MYLK: variants seen among roughly 807,000 people sequenced by gnomAD.
MYLK encodes the protein myosin light chain kinase, smooth muscle.
A neutral mutation model predicts 203.4 loss-of-function variants in MYLK; 106 were observed. That is an observed-to-expected ratio of 0.52 (90% CI 0.45 to 0.61). MYLK has a LOEUF of 0.61. Ranked by LOEUF, MYLK falls within the 20% of genes least tolerant of loss-of-function variation. MYLK has a pLI of 0.00. For missense variants in MYLK, 2,072 were observed against 2,442.3 expected (o/e 0.85, Z 3.20); for synonymous variants, 867 against 959.5 (o/e 0.90, Z 1.78).
intron 4 of MYLK, among the ~76,000 whole-genome samples, chr3:123,758,062 A>G (rs1560180149): frequency 6.6e-6 from 1 of 152,164 alleles, no homozygotes; most frequent in Non-Finnish European, 1.5e-5. Flanking sequence ...CAAAAAAAAA[A>G]AAGAAGGAAA....
chr3:123,759,795 G>C (rs1213986468), intron 4 of MYLK, among the ~76,000 whole-genome samples: 1 of 152,182 alleles, frequency 6.6e-6, no homozygotes, highest in Non-Finnish European at 1.5e-5. Flanking sequence ...TCTCTCCCAA[G>C]CCCCATTATC....
chr3:123,752,452 G>T lies in MYLK; in HGVS notation c.252C>A (p.Gly84=). ...TCACAAGGCTGAAAGTCCCCCGGAT[G>T]CCGCAATCCAGCAGGAAGCGGCCCC... ...TSGGRFLLDC[G]IRGTFSLVIH... Residue 84 remains glycine (G), a synonymous_variant, in exon 5 of 34, where the codon GGC becomes GGA. Coordinates refer to ENST00000360304, the MANE Select transcript of MYLK (RefSeq NM_053025.4). The T allele has an allele frequency of 6.2e-7, 1 of 1,614,212 alleles. No individual in the cohort carries two copies. Among genetic ancestry groups the T allele is most frequent in the Non-Finnish European group, 8.5e-7 (1 of 1,180,044 alleles).
At chr3:123,616,587 C>A (rs1262452418) in intron 33 of MYLK, 3 of 152,000 alleles carry the variant, frequency 2.0e-5, no homozygotes, top group Non-Finnish European at 4.4e-5. Context: ...TATTTGTGCC[C>A]CTTGAATCTC....
intron 4 of MYLK, among the ~76,000 whole-genome samples, chr3:123,767,515 G>T (rs989598482): frequency 6.6e-6 from 1 of 152,248 alleles, no homozygotes; most frequent in Non-Finnish European, 1.5e-5. Flanking sequence ...GCTGAGGCAC[G>T]AGAATCACTT....
intron 13 of MYLK, among the ~76,000 whole-genome samples, chr3:123,717,915 G>A (rs1430597012): frequency 1.4e-5 from 2 of 141,336 alleles, no homozygotes; most frequent in African/African-American, 5.3e-5. Context: ...GAGTCCAGTG[G>A]TGTGATTACG....
intron 4 of MYLK, among the ~76,000 whole-genome samples, chr3:123,754,807 CT>C (rs1346326846): frequency 6.6e-6 from 1 of 151,914 alleles, no homozygotes; most frequent in African/African-American, 2.4e-5. Flanking sequence ...TATTAGTGTG[CT>C]GTATAATGAA....
chr3:123,791,337 C>G (rs1048890868), intron 4 of MYLK, among the ~76,000 whole-genome samples: 7 of 152,350 alleles, frequency 4.6e-5, no homozygotes, highest in African/African-American at 1.7e-4. Context: ...TTGAGGTCAC[C>G]AGGTCAGAAA....
At position 123,692,825 on chromosome 3, in the gene MYLK, T is replaced by C; in HGVS notation, c.3475A>G (p.Lys1159Glu). The change falls in exon 19 of 34, where the codon AAG (lysine) becomes GAG (glutamate). Residue 1159 changes from lysine (K) to glutamate (E), a missense_variant. Transcript: ENST00000360304. ...EGSLCSVSIE[K>E]ALPEDRGLYK... The stretch of plus-strand genomic sequence containing the variant: ...AAGCCTCTGTCCTCAGGCAGTGCCT[T>C]CTCGATGGAGACGGAGCAGAGTGAG... 1 of 1,613,980 alleles carries C rather than the reference T, an allele frequency of 6.2e-7. No individual in the cohort carries two copies. The highest frequency in any genetic ancestry group is 8.5e-7 in the Non-Finnish European group (1 of 1,179,988).
chr3:123,822,309 G>C (rs1486192033), intron 3 of MYLK, among the ~76,000 whole-genome samples: 1 of 152,132 alleles, frequency 6.6e-6, no homozygotes, highest in African/African-American at 2.4e-5. Flanking sequence ...CTCAGGCCTG[G>C]GTACTCCTCA....
At position 123,610,477 on chromosome 3, in the gene MYLK, A is replaced by T. The variant is rs2057224062; in HGVS notation, c.*3628T>A. On this transcript the variant is annotated 3_prime_UTR_variant, in exon 34 of 34. Transcript: ENST00000360304. ...ACCATCTCATGTGTTGCCCGTCATTATGGAGAGGCTTGTACCAGCACATAA... is the reference window on the plus strand; with the variant it reads ...ACCATCTCATGTGTTGCCCGTCATTTTGGAGAGGCTTGTACCAGCACATAA... 6.6e-6 allele frequency: 1 copy of T among 152,208 alleles called. No homozygotes were observed. Among genetic ancestry groups the T allele is most frequent in the African/African-American group, 2.4e-5 (1 of 41,458 alleles). 9.4% of individuals were successfully genotyped at this position (152,208 alleles called of 1,614,324 possible).
At chr3:123,656,244 G>A (rs1187268546) in intron 24 of MYLK, among the ~76,000 whole-genome samples, 1 of 152,172 alleles carries the variant, frequency 6.6e-6, no homozygotes, top group Non-Finnish European at 1.5e-5. Context: ...TGCTTGCTAA[G>A]AAGCTCCCAG....
chr3:123,855,936 T>G (rs1415381933), intron 2 of MYLK, among the ~76,000 whole-genome samples: 1 of 152,162 alleles, frequency 6.6e-6, no homozygotes, highest in African/African-American at 2.4e-5. Flanking sequence ...TAAAGACTAA[T>G]ATAATCTTTT....
intron 24 of MYLK, 39 bp downstream of exon 24, chr3:123,657,087 C>T (rs2059410542): frequency 6.2e-7 from 1 of 1,610,590 alleles, no homozygotes; most frequent in African/African-American, 1.3e-5. Context: ...CAGTCACGCA[C>T]ATTTGTTTCA....
chr3:123,805,952 A>G, intron 3 of MYLK, among the ~76,000 whole-genome samples: 1 of 152,238 alleles, frequency 6.6e-6, no homozygotes, highest in Non-Finnish European at 1.5e-5. Flanking sequence ...AATGGTAACA[A>G]TTTGATAATA....
chr3:123,783,142 G>A (rs183448406), intron 4 of MYLK, among the ~76,000 whole-genome samples: 1 of 151,992 alleles, frequency 6.6e-6, no homozygotes, highest in Admixed American at 6.6e-5. Flanking sequence ...ATAGTGCTTT[G>A]GACATCTTTG....
chr3:123,755,703 C>G (rs9823444), intron 4 of MYLK, among the ~76,000 whole-genome samples: 135,613 of 152,122 alleles, frequency 0.89, 62,405 homozygotes, highest in East Asian at 1. Context: ...GCCCTGCCCT[C>G]CCAGGTTGCC....
At chr3:123,751,082 A>C (rs1173308698) in intron 5 of MYLK, among the ~76,000 whole-genome samples, 49 of 152,238 alleles carry the variant, frequency 3.2e-4, no homozygotes, top group Non-Finnish European at 2.9e-5. Context: ...GTCCCCTGAA[A>C]ACCAGATTGG....
chr3:123,820,649 T>TC (rs1446125590), intron 3 of MYLK, among the ~76,000 whole-genome samples: 3 of 148,144 alleles, frequency 2.0e-5, no homozygotes, highest in African/African-American at 7.5e-5. Context: ...CTTCCCTCCT[T>TC]CCTTCCTTCC....
At position 123,640,273 on chromosome 3, in the gene MYLK, C is replaced by G; in HGVS notation, c.4837+14G>C. The G allele has an allele frequency of 6.2e-7, 1 of 1,613,242 alleles. No homozygotes were observed. Among genetic ancestry groups the G allele is most frequent in the Non-Finnish European group, 8.5e-7 (1 of 1,179,396 alleles). ...TACACACTGGTGTCCATGGGAGAGG[C>G]AGATGAGCCTTACCCAGCCTCCTGG... On this transcript the variant is annotated intron_variant, in intron 28 of 33. Coordinates refer to ENST00000360304, the MANE Select transcript of MYLK (RefSeq NM_053025.4). The surrounding 1 kb of genome is among the most constrained non-coding windows in gnomAD (Gnocchi z 4.3).
Sources: allele counts gnomAD v4.1 joint callset (sites outside exome capture counted in the v4.1 genomes callset), GRCh38; gene constraint gnomAD v4.1.1; non-coding constraint Gnocchi (gnomAD v3.1); transcripts MANE v1.5; gene names NCBI Gene and HGNC (gene_info 2026-07-23, HGNC 2026-07-21).